Variants in FAM53A observed in about 807,000 individuals in gnomAD.
FAM53A encodes the protein protein FAM53A.
In FAM53A, 28 loss-of-function variants were observed where a neutral mutation model predicts 26.6. That is an observed-to-expected ratio of 1.05 (90% CI 0.78 to 1.45). The LOEUF (loss-of-function observed/expected upper bound fraction) is 1.45. FAM53A is among the 40% of genes most tolerant of loss of function. The probability of loss-of-function intolerance (pLI) is 0.00; values close to 1 mark genes in which losing one functional copy is unlikely to be tolerated. For synonymous variants in FAM53A, 290 were observed against 253.1 expected, an observed-to-expected ratio of 1.15 and a Z score of -1.38; for missense variants, 650 against 575.8, an observed-to-expected ratio of 1.13 and a Z score of -1.32.
chr4:1,676,278 G>C (rs1715036831), intron 1 of FAM53A, among the ~76,000 whole-genome samples: 1 of 152,152 alleles, frequency 6.6e-6, no homozygotes. Flanking sequence ...CATCACTCCA[G>C]TCTTCCCACC....
Position 1,659,362 on chromosome 4 carries a change from C to T in FAM53A, c.76-1894G>A, listed in dbSNP as rs1446633863. On this transcript the variant is annotated intron_variant, in intron 2 of 4. Coordinates refer to ENST00000308132, the MANE Select transcript of FAM53A (RefSeq NM_001174070.3). The surrounding 1 kb of genome is among the most constrained non-coding windows in gnomAD (Gnocchi z 5.2). ...CTCCCCGCAGCAAGCACCAGGACCT[C>T]GCTCTCCTCCTGTTCCGCACAGCAC... 6.6e-6 allele frequency among the ~76,000 whole-genome samples: 1 copy of T among 152,252 alleles called. No homozygotes were observed. Among genetic ancestry groups the T allele is most frequent in the Non-Finnish European group, 1.5e-5 (1 of 68,044 alleles).
intron 3 of FAM53A, among the ~76,000 whole-genome samples, chr4:1,656,363 G>A (rs1320415909): frequency 6.6e-6 from 1 of 152,188 alleles, no homozygotes; most frequent in Non-Finnish European, 1.5e-5. Context: ...AGCAAGGCCA[G>A]GTGCATGGGC....
rs537491387 is a variant in FAM53A, at chr4:1,652,670, A to G, written c.882+2308T>C. Among the ~76,000 whole-genome samples the G allele has an allele frequency of 4.8e-5, 7 of 147,180 alleles. 1 individual carries two copies. The East Asian group carries it at 1.4e-3, about 30-fold the overall frequency. ...ATATCCAATACACCACATATACACC[A>G]CACCACACATACCACAGACCACACA... On this transcript the variant is annotated intron_variant, in intron 4 of 4. Transcript: ENST00000308132.
At chr4:1,608,291 C>T in the FAM53A span, among the ~76,000 whole-genome samples, 3 of 152,098 alleles carry the variant, frequency 2.0e-5, no homozygotes, top group Admixed American at 6.5e-5. Flanking sequence ...CCCCAGGCGG[C>T]CCCTCCTGAA....
the FAM53A span, among the ~76,000 whole-genome samples, chr4:1,585,519 A>G: frequency 2.2e-4 from 34 of 151,884 alleles, no homozygotes; most frequent in South Asian, 6.2e-3. Context: ...CCTGGCCTCA[A>G]ATGATCTGCC....
chr4:1,644,134 A>G (rs1450495013), intron 4 of FAM53A: 1 of 1,514,816 alleles, frequency 6.6e-7, no homozygotes, highest in Non-Finnish European at 8.8e-7. Flanking sequence ...CCTCCAATCC[A>G]CAGCACCACC....
At chr4:1,658,089 C>T (rs1464155285) in intron 2 of FAM53A, among the ~76,000 whole-genome samples, 26 of 151,988 alleles carry the variant, frequency 1.7e-4, no homozygotes, top group Admixed American at 1.6e-3. Flanking sequence ...CTGCTTACTA[C>T]AAGCTCTGCC....
rs932613163 is a variant in FAM53A, at chr4:1,644,148, C to T, written c.883-2541G>A. ...GCCTCCAATCCACAGCACCACCAGG[C>T]TGCACTACACACGCACCGGGGTGGC... On this transcript the variant is annotated intron_variant, in intron 4 of 4. Coordinates refer to ENST00000308132, the MANE Select transcript of FAM53A (RefSeq NM_001174070.3). The T allele has an allele frequency of 3.3e-6, 5 of 1,526,018 alleles. No individual in the cohort carries two copies. The Admixed American group carries it at 7.9e-5, about 24-fold the overall frequency. The allele number at this position is 1,526,018 out of a possible 1,614,324, so 94.5% of individuals were successfully genotyped here.
At chr4:1,613,094 C>A (rs953122463), downstream of FAM53A, among the ~76,000 whole-genome samples, 1 of 152,212 alleles carries the variant, frequency 6.6e-6, no homozygotes. Flanking sequence ...ACAAGCTACT[C>A]GGGAAAACAG....
In FAM53A at chr4:1,641,320, C is replaced by T; in HGVS notation, c.1170G>A (p.Leu390=). The T allele has an allele frequency of 6.2e-7, 1 of 1,612,464 alleles. No individual in the cohort carries two copies. The highest frequency in any genetic ancestry group is 8.5e-7 in the Non-Finnish European group (1 of 1,179,684). The change falls in exon 5 of 5, where the codon CTG becomes CTA. Residue 390 remains leucine (L), a synonymous_variant. Coordinates refer to ENST00000308132, the MANE Select transcript of FAM53A (RefSeq NM_001174070.3). ...AGTTGTTCTCGATCTGCTCCAGGTC[C>T]AGCTCCCAGCGGGCCCGGGGGAAGA... ...EGVFPRARWE[L]DLEQIENN
chr4:1,682,922 C>T (rs915566439), intron 1 of FAM53A, among the ~76,000 whole-genome samples: 1 of 152,204 alleles, frequency 6.6e-6, no homozygotes, highest in African/African-American at 2.4e-5. Flanking sequence ...TTACCAAGGC[C>T]TCAGTGAGTG....
At chr4:1,602,609 G>A in the FAM53A span, among the ~76,000 whole-genome samples, 4 of 152,168 alleles carry the variant, frequency 2.6e-5, no homozygotes, top group African/African-American at 9.7e-5. Flanking sequence ...AAATTGACTC[G>A]CTTCAAAGCT....
chr4:1,618,119 G>T (rs1292025367), intron 1 of FAM53A: 3 of 456,268 alleles, frequency 6.6e-6, no homozygotes, highest in Non-Finnish European at 1.3e-5. Context: ...AACCTGGAAG[G>T]AAGACAGAGG....
At chr4:1,588,538 A>G in the FAM53A span, among the ~76,000 whole-genome samples, 1 of 152,144 alleles carries the variant, frequency 6.6e-6, no homozygotes, top group East Asian at 1.9e-4. Context: ...GAGGACATCC[A>G]AGTACGGGCA....
chr4:1,677,903 C>G (rs1308814658), intron 1 of FAM53A, among the ~76,000 whole-genome samples: 1 of 152,202 alleles, frequency 6.6e-6, no homozygotes, highest in Non-Finnish European at 1.5e-5. Flanking sequence ...TGAGATTGCA[C>G]CACTGCGCCC....
chr4:1,674,030 C>T (rs896237009), intron 1 of FAM53A, among the ~76,000 whole-genome samples: 2 of 152,234 alleles, frequency 1.3e-5, no homozygotes, highest in Non-Finnish European at 2.9e-5. Flanking sequence ...AAGATGCCAG[C>T]AGGGCCGTTA....
the FAM53A span, among the ~76,000 whole-genome samples, chr4:1,602,664 C>T: frequency 9.4e-4 from 143 of 152,306 alleles, 1 homozygote; most frequent in African/African-American, 3.1e-3. Context: ...TGGGCCCCTC[C>T]GCGCGCCCCC....
the FAM53A span, among the ~76,000 whole-genome samples, chr4:1,585,528 C>A: frequency 3.3e-5 from 5 of 152,032 alleles, no homozygotes; most frequent in African/African-American, 9.7e-5. Context: ...AAATGATCTG[C>A]CTGCCTCGGC....
intron 1 of FAM53A, among the ~76,000 whole-genome samples, chr4:1,682,307 C>T (rs1051550180): frequency 2.7e-4 from 39 of 144,024 alleles, no homozygotes; most frequent in Middle Eastern, 3.9e-3. Flanking sequence ...TCTGTCATCA[C>T]GGTGGCGTGC....
Sources: gnomAD v4.1 joint callset for allele counts (sites outside exome capture counted in the v4.1 genomes callset) on GRCh38, gnomAD v4.1.1 for gene constraint, Gnocchi (gnomAD v3.1) non-coding constraint, MANE v1.5 for transcripts, NCBI Gene and HGNC (gene_info 2026-07-23, HGNC 2026-07-21) for gene names.